The following WWC2 variants were observed in gnomAD, a reference collection of about 807,000 sequenced individuals.
WWC2 encodes the protein WW and C2 domain containing 2.
Under a neutral mutation model 138.5 loss-of-function variants are expected in WWC2, and 101 were observed. That is an observed-to-expected ratio of 0.73 (90% CI 0.62 to 0.86). The LOEUF (loss-of-function observed/expected upper bound fraction) is 0.86. Ranked by LOEUF, WWC2 falls within the 40% of genes least tolerant of loss-of-function variation. The probability of loss-of-function intolerance (pLI) is 0.00; values close to 1 mark genes in which losing one functional copy is unlikely to be tolerated. For synonymous variants in WWC2, 558 were observed against 538.4 expected (o/e 1.04, Z -0.50); for missense variants, 1,420 against 1,419.4 (o/e 1.00, Z -0.01).
intron 11 of WWC2, among the ~76,000 whole-genome samples, chr4:183,264,045 G>T (rs1050945234): frequency 2.0e-5 from 3 of 152,186 alleles, no homozygotes; most frequent in South Asian, 2.1e-4. Flanking sequence ...ATTCCTGGGG[G>T]TAATCAATAA....
intron 4 of WWC2, among the ~76,000 whole-genome samples, chr4:183,231,526 T>C: frequency 6.6e-6 from 1 of 152,076 alleles, no homozygotes. Flanking sequence ...TGCCTTGGCC[T>C]CCTAAAGTGC....
Position 183,209,002 on chromosome 4 carries a change from G to A in WWC2, c.499G>A (p.Glu167Lys). The A allele has an allele frequency of 6.4e-7, 1 of 1,573,596 alleles. No individual in the cohort carries two copies. Among genetic ancestry groups the A allele is most frequent in the East Asian group, 2.3e-5 (1 of 43,362 alleles). Residue 167 changes from glutamate to lysine, a missense_variant, in exon 4 of 23, where the codon GAG (glutamate) becomes AAG (lysine). Coordinates refer to ENST00000403733, the MANE Select transcript of WWC2 (RefSeq NM_024949.6). Reference sequence around the variant, plus strand: ...ATATGATCCCGATATTTTAAAAGCTGAGATCTCCACTACAAGATTAAGGGT... The same window carrying A: ...ATATGATCCCGATATTTTAAAAGCTAAGATCTCCACTACAAGATTAAGGGT... ...TKYDPDILKA[E>K]ISTTRLRVKK... is the part of the protein sequence containing the mutation.
intron 1 of WWC2, among the ~76,000 whole-genome samples, chr4:183,151,343 A>C (rs1263640863): frequency 6.6e-6 from 1 of 152,176 alleles, no homozygotes; most frequent in African/African-American, 2.4e-5. Context: ...TCTTCTTTTG[A>C]GAAGTATCTG....
intron 1 of WWC2, among the ~76,000 whole-genome samples, chr4:183,143,226 A>T (rs1249423460): frequency 6.6e-6 from 1 of 152,204 alleles, no homozygotes; most frequent in Non-Finnish European, 1.5e-5. Flanking sequence ...CTTGGGTCAG[A>T]AGAAAGCCAA....
chr4:183,188,604 CTCTA>C (rs112638648), intron 1 of WWC2, among the ~76,000 whole-genome samples: 2,264 of 149,246 alleles, frequency 0.015, 75 homozygotes, highest in African/African-American at 0.053. Flanking sequence ...ATCTCTCTCT[CTCTA>C]TCTAATATGA....
chr4:183,136,723 A>G (rs904969070), intron 1 of WWC2, among the ~76,000 whole-genome samples: 5 of 152,208 alleles, frequency 3.3e-5, no homozygotes, highest in Admixed American at 6.5e-5. Flanking sequence ...ACATTATGAG[A>G]TATTTTTGCA....
At chr4:183,189,673 A>C (rs1254386282) in intron 1 of WWC2, among the ~76,000 whole-genome samples, 2 of 152,240 alleles carry the variant, frequency 1.3e-5, no homozygotes, top group African/African-American at 2.4e-5. Context: ...TTAGCTAAAC[A>C]ATGAGAACAG....
At chr4:183,202,276 G>A (rs1258314993) in intron 2 of WWC2, among the ~76,000 whole-genome samples, 1 of 152,090 alleles carries the variant, frequency 6.6e-6, no homozygotes, top group Non-Finnish European at 1.5e-5. Context: ...CTTTTGGACT[G>A]TTGGTTTACA....
intron 1 of WWC2, among the ~76,000 whole-genome samples, chr4:183,183,718 T>TGAGCTGAGC (rs1560830628): frequency 0.014 from 2,092 of 152,034 alleles, 44 homozygotes; most frequent in African/African-American, 0.049. Context: ...GTTGAGGCTG[T>TGAGCTGAGC]AGTGAGCTGA....
intron 1 of WWC2, among the ~76,000 whole-genome samples, chr4:183,136,545 C>T (rs574108681): frequency 3.9e-5 from 6 of 152,236 alleles, no homozygotes; most frequent in African/African-American, 1.4e-4. Flanking sequence ...CTTACACAGT[C>T]ACACTTTGCT....
chr4:183,269,164 G>T lies in WWC2; in HGVS notation c.2400+1G>T. The T allele has an allele frequency of 6.2e-7, 1 of 1,604,298 alleles. No individual in the cohort carries two copies. Among genetic ancestry groups the T allele is most frequent in the Non-Finnish European group, 8.5e-7 (1 of 1,176,914 alleles). On this transcript the variant is annotated splice_donor_variant, in intron 15 of 22. Coordinates refer to ENST00000403733, the MANE Select transcript of WWC2 (RefSeq NM_024949.6). LOFTEE classifies it high-confidence loss of function. ...TAAACACCGAAGGGAAGAATGCCTG[G>T]TAGGATTCTTCATAATTCCCATTAC... is the stretch of plus-strand genomic sequence containing the variant.
intron 1 of WWC2, among the ~76,000 whole-genome samples, chr4:183,178,654 G>A (rs1224143714): frequency 2.6e-5 from 4 of 151,900 alleles, no homozygotes; most frequent in Admixed American, 2.6e-4. Flanking sequence ...AGCTATTAAG[G>A]CTGAGTTAGT....
chr4:183,319,524 C>T lies in WWC2; in HGVS notation c.*3795C>T. On this transcript the variant is annotated 3_prime_UTR_variant, in exon 23 of 23. Transcript: ENST00000403733. ...ACCAAATCCAGTGTTGAGCAAGCGT[C>T]TCCTGAACAGCAGACGCTTGTCCTT... 6.4e-7 allele frequency: 1 copy of T among 1,569,886 alleles called. No individual in the cohort carries two copies. The highest frequency in any genetic ancestry group is 8.6e-7 in the Non-Finnish European group (1 of 1,159,524).
At chr4:183,100,659 C>T (rs1425199760) in intron 1 of WWC2, among the ~76,000 whole-genome samples, 5 of 152,148 alleles carry the variant, frequency 3.3e-5, no homozygotes, top group Admixed American at 6.5e-5. Flanking sequence ...TTTCCCTTTT[C>T]TCAATTTGAA....
At chr4:183,284,092 C>A in intron 18 of WWC2, 134 bp from the exon 19 acceptor site, 1 of 996,916 alleles carries the variant, frequency 1.0e-6, no homozygotes, top group Non-Finnish European at 1.4e-6. Context: ...TAATGCAAAG[C>A]CTTTCTCTTA....
chr4:183,193,545 CAT>C, intron 1 of WWC2, 52 bp from the exon 2 acceptor site: 1 of 1,510,472 alleles, frequency 6.6e-7, no homozygotes, highest in Non-Finnish European at 9.2e-7. Flanking sequence ...TGAATTTTGA[CAT>C]ATGCGGTTTG....
rs568140195 is a variant in WWC2 at position 183,319,788 on chromosome 4, G to C, written c.*4059G>C. 6.2e-7 allele frequency: 1 copy of C among 1,614,038 alleles called. No homozygotes were observed. The highest frequency in any genetic ancestry group is 8.5e-7 in the Non-Finnish European group (1 of 1,179,964). ...GTTCTCATCCCAGAACTCCTGAACC[G>C]TCTTGTGGGCAACCCAAGAGACGGG... On this transcript the variant is annotated 3_prime_UTR_variant, in exon 23 of 23. Transcript: ENST00000403733.
Position 183,289,649 on chromosome 4 carries a change from G to T in WWC2, c.3384+14G>T. 6.2e-7 allele frequency: 1 copy of T among 1,611,458 alleles called. No individual in the cohort carries two copies. The highest frequency in any genetic ancestry group is 8.5e-7 in the Non-Finnish European group (1 of 1,178,828). On this transcript the variant is annotated intron_variant, in intron 21 of 22. Transcript: ENST00000403733. ...GCTGAGAAGCAGGTACGCAGCTCAG[G>T]GTCTGTCATCTCGGAGGGGCTTACA...
intron 21 of WWC2, among the ~76,000 whole-genome samples, chr4:183,308,054 C>A (rs1479147578): frequency 6.6e-6 from 1 of 152,082 alleles, no homozygotes; most frequent in Non-Finnish European, 1.5e-5. Context: ...GGTTAATATA[C>A]AAAAGTTAAT....
Sources: allele counts gnomAD v4.1 joint callset (sites outside exome capture counted in the v4.1 genomes callset), GRCh38; gene constraint gnomAD v4.1.1; transcripts MANE v1.5; gene names NCBI Gene and HGNC (gene_info 2026-07-23, HGNC 2026-07-21).